The following ELAVL2 variants were observed in gnomAD, a reference collection of about 807,000 sequenced individuals.
ELAVL2 encodes ELAV-like protein 2.
ELAVL2 carries 4 observed loss-of-function variants against 34.6 expected under a neutral mutation model. That is an observed-to-expected ratio of 0.12 (90% CI 0.06 to 0.26). The LOEUF is 0.26. Among genes scored for constraint, ELAVL2 ranks in the 10% least tolerant of loss-of-function variants. The pLI, the probability that ELAVL2 is intolerant of heterozygous loss-of-function variation, is 1.00. For missense variants in ELAVL2, 432 were observed against 442.8 expected (o/e 0.98, Z 0.22); for synonymous variants, 193 against 154.8 (o/e 1.25, Z -1.83).
At chr9:23,844,457 T>G in the ELAVL2 span, among the ~76,000 whole-genome samples, 1 of 152,046 alleles carries the variant, frequency 6.6e-6, no homozygotes, top group Non-Finnish European at 1.5e-5. Context: ...CAATATCAGA[T>G]TTAATGATAA....
chr9:23,745,244 T>C lies in ELAVL2; in HGVS notation c.230-14119A>G, dbSNP rs138850754. Among the ~76,000 whole-genome samples the C allele has an allele frequency of 9.3e-3, 1,409 of 152,210 alleles. 18 individuals carry two copies. Among genetic ancestry groups the C allele is most frequent in the African/African-American group, 0.031 (1,293 of 41,540 alleles). On this transcript the variant is annotated intron_variant, in intron 2 of 6. Transcript: ENST00000397312. ...AAATACAAATCAAATAACCAGGAACTATGGTAGATTTTTACAATCCCCAAA... is the reference window on the plus strand; with the variant it reads ...AAATACAAATCAAATAACCAGGAACCATGGTAGATTTTTACAATCCCCAAA...
At chr9:23,819,564 A>G (rs1405836579) in intron 1 of ELAVL2, among the ~76,000 whole-genome samples, 3 of 152,046 alleles carry the variant, frequency 2.0e-5, no homozygotes, top group African/African-American at 7.3e-5. Context: ...TGTTCCTGAA[A>G]GAAGACACTA....
chr9:23,834,539 G>T, the ELAVL2 span, among the ~76,000 whole-genome samples: 1 of 151,978 alleles, frequency 6.6e-6, no homozygotes, highest in Admixed American at 6.5e-5. Flanking sequence ...AAAACTTCCT[G>T]ACATGGAGGA....
At chr9:23,781,935 C>T (rs1022450743) in intron 1 of ELAVL2, among the ~76,000 whole-genome samples, 1 of 152,092 alleles carries the variant, frequency 6.6e-6, no homozygotes, top group Non-Finnish European at 1.5e-5. Flanking sequence ...CCGCCCGCCT[C>T]GGCCTCCCAA....
At chr9:23,812,245 A>G (rs1256995569) in intron 1 of ELAVL2, among the ~76,000 whole-genome samples, 2 of 152,172 alleles carry the variant, frequency 1.3e-5, no homozygotes, top group Non-Finnish European at 2.9e-5. Flanking sequence ...ATTTGTGATG[A>G]AACAATAAGT....
intron 2 of ELAVL2, among the ~76,000 whole-genome samples, chr9:23,758,364 A>G (rs534305169): frequency 1.3e-5 from 2 of 152,236 alleles, no homozygotes; most frequent in East Asian, 3.9e-4. Context: ...ATTTTACTCA[A>G]TAGAAGTATT....
chr9:23,716,643 TC>T (rs2133900884), intron 3 of ELAVL2, among the ~76,000 whole-genome samples: 1 of 152,234 alleles, frequency 6.6e-6, no homozygotes. Flanking sequence ...TGCAAGCTGC[TC>T]TCCAAAGACA....
At chr9:23,749,246 A>C (rs2051284602) in intron 2 of ELAVL2, among the ~76,000 whole-genome samples, 1 of 152,256 alleles carries the variant, frequency 6.6e-6, no homozygotes, top group Non-Finnish European at 1.5e-5. Context: ...CATCTAACAT[A>C]CTATCATTAA....
chr9:23,736,039 A>G (rs560281645), intron 2 of ELAVL2, among the ~76,000 whole-genome samples: 34 of 152,326 alleles, frequency 2.2e-4, no homozygotes, highest in African/African-American at 7.9e-4. Context: ...TAAAATTTTA[A>G]TTGCATATTT....
Position 23,717,233 on chromosome 9 carries a change from C to G in ELAVL2, c.334-12162G>C, listed in dbSNP as rs564451740. Among the ~76,000 whole-genome samples, 154 of 152,298 alleles carry G rather than the reference C, an allele frequency of 1.0e-3. No homozygotes were observed. In the Middle Eastern group the frequency reaches 0.014, roughly 13 times the overall value. On this transcript the variant is annotated intron_variant, in intron 3 of 6. Transcript: ENST00000397312. ...AATGATCCTTTCCTCTGTGTGTACA[C>G]TAAATACTGCTTAGAGAAACTTCAT...
upstream of ELAVL2, chr9:23,829,638 G>A (rs2065436706): frequency 6.6e-6 from 1 of 152,128 alleles, no homozygotes; most frequent in African/African-American, 2.4e-5. Flanking sequence ...CATATATCTT[G>A]CTGATTACTC....
At chr9:23,717,985 C>T (rs2042738801) in intron 3 of ELAVL2, among the ~76,000 whole-genome samples, 1 of 152,088 alleles carries the variant, frequency 6.6e-6, no homozygotes, top group South Asian at 2.1e-4. Flanking sequence ...TTTGCTTATC[C>T]TGGCCCTTTG....
chr9:23,797,960 A>G (rs1326607395), intron 1 of ELAVL2, among the ~76,000 whole-genome samples: 2 of 152,332 alleles, frequency 1.3e-5, no homozygotes, highest in Middle Eastern at 6.8e-3. Context: ...AAAGAAAAAA[A>G]AAGTATGGGA....
rs189299133 is a variant in ELAVL2, at chr9:23,752,832, T to A, written c.229+9174A>T. 5.9e-5 allele frequency among the ~76,000 whole-genome samples: 9 copies of A among 151,818 alleles called. No individual in the cohort carries two copies. In the East Asian group the frequency reaches 1.8e-3, roughly 30 times the overall value. On this transcript the variant is annotated intron_variant, in intron 2 of 6. Coordinates refer to ENST00000397312, the MANE Select transcript of ELAVL2 (RefSeq NM_004432.5). ...TTAAAGGAGGCATAAGGTAAATCTT[T>A]GTTCTAATTTAGAACAATACAGAAT...
the ELAVL2 span, among the ~76,000 whole-genome samples, chr9:23,837,974 G>A: frequency 2.6e-5 from 4 of 151,974 alleles, no homozygotes; most frequent in Admixed American, 1.3e-4. Context: ...TCCAACCAGC[G>A]GGTAACATTG....
At chr9:23,776,884 G>A (rs571047222) in intron 1 of ELAVL2, among the ~76,000 whole-genome samples, 1 of 152,224 alleles carries the variant, frequency 6.6e-6, no homozygotes, top group South Asian at 2.1e-4. Flanking sequence ...TAAACAACAG[G>A]AGACTGTGCA....
At chr9:23,778,778 A>C (rs35498913) in intron 1 of ELAVL2, among the ~76,000 whole-genome samples, 26 of 152,194 alleles carry the variant, frequency 1.7e-4, no homozygotes, top group Admixed American at 4.6e-4. Context: ...ATGAATATGC[A>C]TAACAAAAAA....
the ELAVL2 span, among the ~76,000 whole-genome samples, chr9:23,850,181 A>G: frequency 2.0e-5 from 3 of 151,776 alleles, no homozygotes; most frequent in Non-Finnish European, 4.4e-5. Flanking sequence ...TGGAGGGGAA[A>G]TTGATCCAAG....
upstream of ELAVL2, among the ~76,000 whole-genome samples, chr9:23,827,322 C>A (rs1381721563): frequency 6.6e-6 from 1 of 152,126 alleles, no homozygotes; most frequent in East Asian, 1.9e-4. Context: ...TTATTACAAC[C>A]CCATATTTTA....
Sources: gnomAD v4.1 joint callset for allele counts (sites outside exome capture counted in the v4.1 genomes callset) on GRCh38, gnomAD v4.1.1 for gene constraint, MANE v1.5 for transcripts, NCBI Gene and HGNC (gene_info 2026-07-23, HGNC 2026-07-21) for gene names.